FAM200C: variants seen among roughly 807,000 people sequenced by gnomAD.
chr5:160,398,795 G>A, the FAM200C span, among the ~76,000 whole-genome samples: 1 of 152,196 alleles, frequency 6.6e-6, no homozygotes, highest in African/African-American at 2.4e-5. Context: ...TTGCGCTTTT[G>A]TGGTATTTAG....
At chr5:160,393,933 G>A in the FAM200C span, 12 of 1,613,812 alleles carry the variant, frequency 7.4e-6, no homozygotes, top group African/African-American at 1.3e-5. Context: ...GCTGTGAATT[G>A]GGCACACCAG....
the FAM200C span, chr5:160,395,093 T>C: frequency 6.2e-7 from 1 of 1,614,112 alleles, no homozygotes; most frequent in Non-Finnish European, 8.5e-7. Context: ...AAGCTTTTTT[T>C]GTGCATCTGG....
At chr5:160,398,097 C>A in the FAM200C span, among the ~76,000 whole-genome samples, 1 of 152,160 alleles carries the variant, frequency 6.6e-6, no homozygotes, top group Non-Finnish European at 1.5e-5. Context: ...CAAAAATTAG[C>A]TGGGTGTGGT....
At chr5:160,397,339 G>A in the FAM200C span, 1 of 152,262 alleles carries the variant, frequency 6.6e-6, no homozygotes, top group Non-Finnish European at 1.5e-5. Flanking sequence ...GTTGATGACA[G>A]CCTCCTATGA....
chr5:160,394,047 T>C, the FAM200C span: 296 of 1,611,434 alleles, frequency 1.8e-4, 3 homozygotes, highest in East Asian at 5.4e-3. Context: ...ACAAAATCGA[T>C]ATTAAAAAGA....
the FAM200C span, chr5:160,395,433 T>C: frequency 4.2e-4 from 675 of 1,614,194 alleles, 4 homozygotes; most frequent in South Asian, 6.5e-3. Context: ...TCTACTTCCG[T>C]TGTACAGGTG....
the FAM200C span, among the ~76,000 whole-genome samples, chr5:160,399,320 T>A: frequency 4.6e-5 from 7 of 152,114 alleles, no homozygotes; most frequent in African/African-American, 1.7e-4. Flanking sequence ...AAACAAATAT[T>A]TAGGGAATGC....
At chr5:160,394,405 A>C in the FAM200C span, 1 of 1,613,526 alleles carries the variant, frequency 6.2e-7, no homozygotes, top group Non-Finnish European at 8.5e-7. Flanking sequence ...CAAAGCCATC[A>C]ACTAAATTAC....
chr5:160,394,419 T>C, the FAM200C span: 13 of 1,613,622 alleles, frequency 8.1e-6, no homozygotes, highest in Non-Finnish European at 1.1e-5. Flanking sequence ...AAATTACTGC[T>C]CTTGTGGTGA....
the FAM200C span, chr5:160,394,306 C>T: frequency 1.9e-6 from 3 of 1,613,650 alleles, no homozygotes; most frequent in East Asian, 2.2e-5. Context: ...CTGTGTTCAT[C>T]CCAGTCCTCT....
At chr5:160,395,341 A>G in the FAM200C span, 30 of 1,614,076 alleles carry the variant, frequency 1.9e-5, no homozygotes, top group Non-Finnish European at 2.4e-5. Context: ...GTCTGTTAAA[A>G]TGGTCTGACA....
the FAM200C span, among the ~76,000 whole-genome samples, chr5:160,398,862 T>G: frequency 6.6e-6 from 1 of 152,306 alleles, no homozygotes; most frequent in South Asian, 2.1e-4. Context: ...AAGGAGATAT[T>G]GTTAAACAGG....
the FAM200C span, chr5:160,394,712 T>G: frequency 4.3e-6 from 7 of 1,614,098 alleles, no homozygotes; most frequent in Non-Finnish European, 5.9e-6. Context: ...TATCTCTTTT[T>G]TCACGTAGGC....
At chr5:160,396,558 C>G in the FAM200C span, among the ~76,000 whole-genome samples, 1 of 151,956 alleles carries the variant, frequency 6.6e-6, no homozygotes, top group Non-Finnish European at 1.5e-5. Context: ...CGAGACCAGC[C>G]TGGGCAATAT....
At chr5:160,395,977 G>T in the FAM200C span, among the ~76,000 whole-genome samples, 120 of 152,258 alleles carry the variant, frequency 7.9e-4, 2 homozygotes, top group African/African-American at 2.8e-3. Context: ...AAATAAGGAA[G>T]GGTGGATTCT....
At chr5:160,394,490 A>G in the FAM200C span, 1 of 1,614,114 alleles carries the variant, frequency 6.2e-7, no homozygotes, top group Non-Finnish European at 8.5e-7. Context: ...GCCTCGGGAA[A>G]GCCACCTCAT....
the FAM200C span, chr5:160,393,968 A>G: frequency 6.2e-7 from 1 of 1,613,980 alleles, no homozygotes; most frequent in African/African-American, 1.3e-5. Context: ...CATTGTCTCA[A>G]ATTCCATTAG....
the FAM200C span, chr5:160,394,340 A>C: frequency 5.0e-6 from 8 of 1,613,956 alleles, no homozygotes; most frequent in Non-Finnish European, 6.8e-6. Context: ...GAGTTCATTT[A>C]AGTGTTTGAA....
the FAM200C span, chr5:160,395,072 G>C: frequency 3.7e-6 from 6 of 1,613,814 alleles, no homozygotes; most frequent in East Asian, 1.3e-4. Context: ...ATCTGATAAG[G>C]GTACCTGCTG....
Sources: allele counts gnomAD v4.1 joint callset (sites outside exome capture counted in the v4.1 genomes callset), GRCh38; gene constraint gnomAD v4.1.1; transcripts MANE v1.5.